The following ANKRD28 variants were observed in gnomAD, a reference collection of about 807,000 sequenced individuals.
ANKRD28 encodes serine/threonine-protein phosphatase 6 regulatory ankyrin repeat subunit A.
A neutral mutation model predicts 126.5 loss-of-function variants in ANKRD28; 44 were observed. The observed-to-expected ratio is 0.35, with a 90% CI of 0.27 to 0.45. The LOEUF is 0.45. ANKRD28 is among the 20% of genes least tolerant of loss of function. The pLI, the probability that ANKRD28 is intolerant of heterozygous loss-of-function variation, is 1.00. For synonymous variants in ANKRD28, 442 were observed against 468.5 expected (o/e 0.94, Z 0.73); for missense variants, 1,110 against 1,316.6 (o/e 0.84, Z 2.43).
At chr3:15,831,607 G>T (rs1385279588) in intron 1 of ANKRD28, among the ~76,000 whole-genome samples, 1 of 152,132 alleles carries the variant, frequency 6.6e-6, no homozygotes, top group Non-Finnish European at 1.5e-5. Context: ...GAAAATCACT[G>T]TTTCAGGAAA....
intron 1 of ANKRD28, among the ~76,000 whole-genome samples, chr3:15,858,134 A>G (rs2061815052): frequency 6.6e-6 from 1 of 152,238 alleles, no homozygotes; most frequent in Non-Finnish European, 1.5e-5. Context: ...ACATATGTCT[A>G]CTGAGCACTT....
Position 15,859,078 on chromosome 3 carries a change from G to C in ANKRD28, c.27+299C>G, listed in dbSNP as rs1575839409. Among the ~76,000 whole-genome samples, 5 of 152,330 alleles carry C rather than the reference G, an allele frequency of 3.3e-5. No homozygotes were observed. In the East Asian group the frequency reaches 9.7e-4, roughly 29 times the overall value. ...GGCCCGAGCCTCACCTGGCAGGAAA[G>C]AGGAAGCGATTGCCCGGCAGCTCGC... On this transcript the variant is annotated intron_variant, in intron 1 of 27. Coordinates refer to the ANKRD28 transcript ENST00000399451.
intron 2 of ANKRD28, among the ~76,000 whole-genome samples, chr3:15,773,172 G>A (rs1042617082): frequency 6.6e-6 from 1 of 151,102 alleles, no homozygotes; most frequent in Non-Finnish European, 1.5e-5. Context: ...GTTTAGAAAA[G>A]TTGTTGAATG....
At chr3:15,791,412 C>G (rs919328350) in intron 2 of ANKRD28, among the ~76,000 whole-genome samples, 1 of 152,126 alleles carries the variant, frequency 6.6e-6, no homozygotes, top group Non-Finnish European at 1.5e-5. Flanking sequence ...GTCACAAAAA[C>G]AGACACGTGT....
intron 3 of ANKRD28, among the ~76,000 whole-genome samples, chr3:15,757,321 C>T (rs2058215697): frequency 6.6e-6 from 1 of 152,102 alleles, no homozygotes; most frequent in African/African-American, 2.4e-5. Context: ...GTCAGTGCCC[C>T]TAACCTCCAC....
intron 2 of ANKRD28, among the ~76,000 whole-genome samples, chr3:15,770,489 A>G (rs1363023771): frequency 6.6e-6 from 1 of 151,988 alleles, no homozygotes; most frequent in Non-Finnish European, 1.5e-5. Flanking sequence ...AATCGATTTA[A>G]AGGAAGGACA....
At chr3:15,849,731 C>T (rs1575819768) in intron 1 of ANKRD28, among the ~76,000 whole-genome samples, 1 of 152,148 alleles carries the variant, frequency 6.6e-6, no homozygotes, top group Non-Finnish European at 1.5e-5. Context: ...AAATTTTCTG[C>T]CCCAGCCAGA....
At chr3:15,760,697 G>C (rs4287900) in intron 3 of ANKRD28, among the ~76,000 whole-genome samples, 6,236 of 152,278 alleles carry the variant, frequency 0.041, 414 homozygotes, top group African/African-American at 0.14. Context: ...ACAATGTAGA[G>C]AGACTATGAG....
In ANKRD28 at chr3:15,669,183, A is replaced by G. The variant is rs1044993349; in HGVS notation, c.*1087T>C. 5.9e-5 allele frequency: 9 copies of G among 152,220 alleles called. No individual in the cohort carries two copies. Among genetic ancestry groups the G allele is most frequent in the Non-Finnish European group, 1.3e-4 (9 of 68,036 alleles). The allele number at this position is 152,220 out of a possible 1,614,324, so 9.4% of individuals were successfully genotyped here. A position where few individuals can be genotyped will look rare whatever the true frequency, so the allele number is the denominator to read the frequency against. ...AAATGCCTTTCAAGAGACTTTAGTG[A>G]TGCTTAATTTATGAACAACAAGGAA... On this transcript the variant is annotated 3_prime_UTR_variant, in exon 28 of 28. Coordinates refer to ENST00000683139, the MANE Select transcript of ANKRD28 (RefSeq NM_001349278.2).
In ANKRD28 at chr3:15,716,637, A is replaced by G. The variant is rs554228469; in HGVS notation, c.997-1981T>C. Among the ~76,000 whole-genome samples the G allele has an allele frequency of 2.6e-5, 4 of 152,212 alleles. No individual in the cohort carries two copies. The South Asian group carries it at 8.3e-4, about 32-fold the overall frequency. The stretch of plus-strand genomic sequence containing the variant: ...GAAAAACATAGATTCCATTGATAAG[A>G]AGGATAAGAAAAACAAGAGGAAAAC... On this transcript the variant is annotated intron_variant, in intron 8 of 27. Coordinates refer to ENST00000683139, the MANE Select transcript of ANKRD28 (RefSeq NM_001349278.2).
chr3:15,809,568 A>ATCCT (rs2125879135), intron 1 of ANKRD28, among the ~76,000 whole-genome samples: 1 of 152,332 alleles, frequency 6.6e-6, no homozygotes, highest in Admixed American at 6.5e-5. Flanking sequence ...GATTGTGAGG[A>ATCCT]CACAATCCCA....
At chr3:15,798,323 A>T (rs1161462404), upstream of ANKRD28, 2 of 209,486 alleles carry the variant, frequency 9.5e-6, no homozygotes, top group East Asian at 3.7e-4. Flanking sequence ...AAGATGGAGA[A>T]ATATTTTATT....
chr3:15,731,063 T>A (rs1468695571), intron 6 of ANKRD28, among the ~76,000 whole-genome samples: 1 of 152,240 alleles, frequency 6.6e-6, no homozygotes, highest in Non-Finnish European at 1.5e-5. Flanking sequence ...AAATTTCTGT[T>A]CTTTATAAAT....
At chr3:15,768,342 G>A (rs1010698632) in intron 2 of ANKRD28, among the ~76,000 whole-genome samples, 3 of 152,080 alleles carry the variant, frequency 2.0e-5, no homozygotes, top group Non-Finnish European at 4.4e-5. Context: ...AATATCTACA[G>A]GCAATCCAAA....
chr3:15,797,590 G>A lies in ANKRD28; in HGVS notation c.-1069C>T. ...AAAAAGGGGGGGGAAAAACATAGTA[G>A]TGTATCATTCCAGTGTTTCCTTTGA... is the stretch of plus-strand genomic sequence containing the variant. On this transcript the variant is annotated 5_prime_UTR_variant, in exon 1 of 28. Coordinates refer to ENST00000683139, the MANE Select transcript of ANKRD28 (RefSeq NM_001349278.2). 2.0e-6 allele frequency: 2 copies of A among 984,892 alleles called. No homozygotes were observed. Among genetic ancestry groups the A allele is most frequent in the Non-Finnish European group, 2.4e-6 (2 of 829,812 alleles). The allele number at this position is 984,892 out of a possible 1,614,324, so 61.0% of individuals were successfully genotyped here. A position where few individuals can be genotyped will look rare whatever the true frequency, so the allele number is the denominator to read the frequency against.
chr3:15,780,939 TAA>T (rs1441545700), intron 2 of ANKRD28, among the ~76,000 whole-genome samples: 1 of 152,038 alleles, frequency 6.6e-6, no homozygotes, highest in African/African-American at 2.4e-5. Flanking sequence ...ATTAAAGACT[TAA>T]ATATAAGACC....
intron 17 of ANKRD28, among the ~76,000 whole-genome samples, chr3:15,693,071 G>C (rs2069008635): frequency 6.6e-6 from 1 of 152,148 alleles, no homozygotes; most frequent in African/African-American, 2.4e-5. Flanking sequence ...GGAACAGAAG[G>C]TAGGCTAGTA....
At chr3:15,781,498 T>C (rs2059538513) in intron 2 of ANKRD28, 1 of 152,170 alleles carries the variant, frequency 6.6e-6, no homozygotes, top group African/African-American at 2.4e-5. Context: ...TATTACATTG[T>C]ACTCTACAAA....
chr3:15,829,093 A>C (rs2061132614), intron 1 of ANKRD28, among the ~76,000 whole-genome samples: 1 of 152,184 alleles, frequency 6.6e-6, no homozygotes, highest in East Asian at 1.9e-4. Flanking sequence ...TGAAGAGCCC[A>C]AAAAGTTTTG....
Sources: gnomAD v4.1 joint callset for allele counts (sites outside exome capture counted in the v4.1 genomes callset) on GRCh38, gnomAD v4.1.1 for gene constraint, MANE v1.5 for transcripts, NCBI Gene and HGNC (gene_info 2026-07-23, HGNC 2026-07-21) for gene names.